Variants in LACC1 observed in about 807,000 individuals in gnomAD.
The protein encoded by LACC1 is laccase domain multifunctional purine nucleosidase 1.
Under a neutral mutation model 34.8 loss-of-function variants are expected in LACC1, and 25 were observed. That is an observed-to-expected ratio of 0.72 (90% CI 0.52 to 1.00). The LOEUF is 1.00. Ranked by LOEUF, LACC1 falls within the 50% of genes least tolerant of loss-of-function variation. The pLI is 0.00. For missense variants in LACC1, 426 were observed against 511.2 expected, an observed-to-expected ratio of 0.83 and a Z score of 1.61; for synonymous variants, 162 against 168.0, an observed-to-expected ratio of 0.96 and a Z score of 0.28.
chr13:43,885,511 A>T (rs9525865), intron 4 of LACC1, among the ~76,000 whole-genome samples: 78,618 of 151,980 alleles, frequency 0.52, 20,794 homozygotes, highest in East Asian at 0.67. Flanking sequence ...TGAGGAAAGG[A>T]ATCCCTGTTC....
At position 43,883,854 on chromosome 13, in the gene LACC1, C is replaced by T. The variant is rs768873248; in HGVS notation, c.825C>T (p.Val275=). 8.7e-6 allele frequency: 14 copies of T among 1,613,526 alleles called. No individual in the cohort carries two copies. The South Asian group carries it at 1.5e-4, about 18-fold the overall frequency. The change falls in exon 4 of 7, where the codon GTC becomes GTT. Residue 275 remains valine, a synonymous_variant. Transcript: ENST00000325686. ...YDGITTNQRG[V]TIAALGADCI... Reference sequence around the variant, plus strand: ...GAATAACCACAAATCAGAGAGGAGTCACAATAGCAGCTCTTGGTGCAGACT... The same window carrying T: ...GAATAACCACAAATCAGAGAGGAGTTACAATAGCAGCTCTTGGTGCAGACT...
chr13:43,889,067 C>CT (rs1955455950), intron 5 of LACC1, 85 bp downstream of exon 5: 1 of 1,120,040 alleles, frequency 8.9e-7, no homozygotes, highest in Non-Finnish European at 1.3e-6. Context: ...ATTAATAACT[C>CT]TAAGAAGAAT....
In LACC1 at chr13:43,883,946, C is replaced by T; in HGVS notation, c.907+10C>T. ...GGGGTTGCTCACGCTGGTAAGTATACTTAATTAAACATTTAGAATTTTACT... is the reference window on the plus strand; with the variant it reads ...GGGGTTGCTCACGCTGGTAAGTATATTTAATTAAACATTTAGAATTTTACT... On this transcript the variant is annotated intron_variant, in intron 4 of 6. Transcript: ENST00000325686. 6.3e-7 allele frequency: 1 copy of T among 1,588,458 alleles called. No individual in the cohort carries two copies. Among genetic ancestry groups the T allele is most frequent in the Non-Finnish European group, 8.6e-7 (1 of 1,167,906 alleles).
intron 5 of LACC1, among the ~76,000 whole-genome samples, chr13:43,889,541 A>G (rs1342325637): frequency 1.3e-5 from 2 of 152,224 alleles, no homozygotes; most frequent in Non-Finnish European, 2.9e-5. Flanking sequence ...TATGTTTTAA[A>G]TCATGTTTCT....
Position 43,881,340 on chromosome 13 carries a change from A to G in LACC1, c.355A>G (p.Ile119Val), listed in dbSNP as rs1197192868. ...RHRKTLMKAF[I>V]DQLFTDVYNF... ...CAGGAAGACATTAATGAAAGCTTTTATTGATCAACTCTTCACTGATGTTTA... is the reference window on the plus strand; with the variant it reads ...CAGGAAGACATTAATGAAAGCTTTTGTTGATCAACTCTTCACTGATGTTTA... The change falls in exon 2 of 7, where the codon ATT becomes GTT. Residue 119 changes from isoleucine to valine, a missense_variant. By Grantham distance (29) the Ile-to-Val change is conservative. Transcript: ENST00000325686. 2.5e-6 allele frequency: 4 copies of G among 1,613,828 alleles called. No individual in the cohort carries two copies. The East Asian group carries it at 6.7e-5, about 27-fold the overall frequency.
Position 43,886,770 on chromosome 13 carries a change from T to C in LACC1, c.908-1987T>C, listed in dbSNP as rs1594895565. Among the ~76,000 whole-genome samples the C allele has an allele frequency of 7.2e-5, 11 of 152,246 alleles. 1 individual carries two copies. The South Asian group carries it at 2.1e-3, about 29-fold the overall frequency. On this transcript the variant is annotated intron_variant, in intron 4 of 6. Transcript: ENST00000325686. ...ACCTAAAAAGTTGGAAGAATAAAAA[T>C]AAATTAACTTTAAAATATAATATAA...
chr13:43,882,687 AATTGAT>A (rs1424817922), intron 3 of LACC1, among the ~76,000 whole-genome samples: 1 of 151,830 alleles, frequency 6.6e-6, no homozygotes, highest in Non-Finnish European at 1.5e-5. Flanking sequence ...ACCATAGGCT[AATTGAT>A]ATAAATAAGA....
chr13:43,889,061 A>G (rs1204814971), intron 5 of LACC1, 79 bp downstream of exon 5: 2 of 1,193,048 alleles, frequency 1.7e-6, no homozygotes, highest in Non-Finnish European at 2.5e-6. Context: ...AGAACAATTA[A>G]TAACTCTAAG....
At chr13:43,882,460 T>C (rs1187188123) in intron 3 of LACC1, 97 bp downstream of exon 3, 2 of 839,706 alleles carry the variant, frequency 2.4e-6, no homozygotes, top group African/African-American at 1.7e-5. Flanking sequence ...TGTATCTGCT[T>C]TTTTATCTAA....
In LACC1 at chr13:43,891,811, T is replaced by A. The variant is rs1219740224; in HGVS notation, c.*364T>A. 2 of 153,294 alleles carry A rather than the reference T, an allele frequency of 1.3e-5. No homozygotes were observed. The highest frequency in any genetic ancestry group is 2.9e-5 in the Non-Finnish European group (2 of 68,936). 9.5% of individuals were successfully genotyped at this position (153,294 alleles called of 1,614,324 possible). A position where few individuals can be genotyped will look rare whatever the true frequency, so the allele number is the denominator to read the frequency against. ...ATCAAAATGAACACAACTTTTTCCTTTGAGTCTGATACAGTGAAGGAGATA... is the reference window on the plus strand; with the variant it reads ...ATCAAAATGAACACAACTTTTTCCTATGAGTCTGATACAGTGAAGGAGATA... On this transcript the variant is annotated 3_prime_UTR_variant, in exon 7 of 7. Transcript: ENST00000325686.
chr13:43,892,772 AG>A lies in LACC1; in HGVS notation c.*1328del, dbSNP rs34303107. 57,679 of 151,898 alleles carry A rather than the reference AG, an allele frequency of 0.38. 11,361 individuals are homozygous for A. Among genetic ancestry groups the A allele is most frequent in the East Asian group, 0.6 (3,133 of 5,234 alleles). The allele number at this position is 151,898 out of a possible 1,614,324, so 9.4% of individuals were successfully genotyped here. The stretch of plus-strand genomic sequence containing the variant: ...TTATAGTCACAGAAGTAAGAAAAAA[AG>A]GGTAGTTGTTTTGAAGAAGCCAGGA... On this transcript the variant is annotated 3_prime_UTR_variant, in exon 7 of 7. Coordinates refer to ENST00000325686, the MANE Select transcript of LACC1 (RefSeq NM_153218.4).
At chr13:43,885,068 C>T (rs1431842365) in intron 4 of LACC1, among the ~76,000 whole-genome samples, 1 of 152,028 alleles carries the variant, frequency 6.6e-6, no homozygotes, top group East Asian at 1.9e-4. Flanking sequence ...AAGGTCTCTA[C>T]AATGAGAAGT....
chr13:43,887,453 T>G (rs1377981193), intron 4 of LACC1, among the ~76,000 whole-genome samples: 2 of 152,184 alleles, frequency 1.3e-5, no homozygotes, highest in South Asian at 4.1e-4. Context: ...TATTCTTAGC[T>G]TTCTGTCTTT....
At chr13:43,887,621 T>C (rs1422301999) in intron 4 of LACC1, among the ~76,000 whole-genome samples, 1 of 152,074 alleles carries the variant, frequency 6.6e-6, no homozygotes, top group Non-Finnish European at 1.5e-5. Context: ...GATATATTTT[T>C]GTAAAAAGGG....
Position 43,893,012 on chromosome 13 carries a change from A to G in LACC1, c.*1565A>G, listed in dbSNP as rs1435366544. On this transcript the variant is annotated 3_prime_UTR_variant, in exon 7 of 7. Coordinates refer to ENST00000325686, the MANE Select transcript of LACC1 (RefSeq NM_153218.4). ...AAGCTGGGGACTACATCTTCAAGGA[A>G]GGGACTTTTTTTGGATGAGCAGTTT... 6.6e-6 allele frequency: 1 copy of G among 152,224 alleles called. No homozygotes were observed. The highest frequency in any genetic ancestry group is 1.5e-5 in the Non-Finnish European group (1 of 67,930). 9.4% of individuals were successfully genotyped at this position (152,224 alleles called of 1,614,324 possible).
At chr13:43,882,498 T>G in intron 3 of LACC1, 135 bp downstream of exon 3, 1 of 596,580 alleles carries the variant, frequency 1.7e-6, no homozygotes. Flanking sequence ...GTGGTTGTCT[T>G]TCTTAGATTT....
At position 43,891,584 on chromosome 13, in the gene LACC1, A is replaced by G. The variant is rs371772159; in HGVS notation, c.*137A>G. ...TTCATCTTTTGGGTATATTTTTACT[A>G]TTATTCAAAGCCAAATGATTTTCAT... On this transcript the variant is annotated 3_prime_UTR_variant, in exon 7 of 7. Coordinates refer to ENST00000325686, the MANE Select transcript of LACC1 (RefSeq NM_153218.4). The G allele has an allele frequency of 2.3e-6, 2 of 885,344 alleles. No homozygotes were observed. The highest frequency in any genetic ancestry group is 5.9e-4 in the Middle Eastern group (1 of 1,684). The allele number at this position is 885,344 out of a possible 1,614,324, so 54.8% of individuals were successfully genotyped here.
intron 4 of LACC1, 78 bp downstream of exon 4, chr13:43,884,014 C>A: frequency 8.2e-7 from 1 of 1,212,676 alleles, no homozygotes; most frequent in South Asian, 1.4e-5. Context: ...TTCTGATGGA[C>A]ATGGCAAACA....
chr13:43,880,794 G>A (rs1954976688), intron 1 of LACC1, among the ~76,000 whole-genome samples, 158 bp from the exon 2 acceptor site: 1 of 152,234 alleles, frequency 6.6e-6, no homozygotes, highest in Admixed American at 6.5e-5. Flanking sequence ...GTTCTGTTGT[G>A]ACAGAGTAGA....
Sources: gnomAD v4.1 joint callset for allele counts (sites outside exome capture counted in the v4.1 genomes callset) on GRCh38, gnomAD v4.1.1 for gene constraint, MANE v1.5 for transcripts, NCBI Gene and HGNC (gene_info 2026-07-23, HGNC 2026-07-21) for gene names.